GABRA3: variants seen among roughly 807,000 people sequenced by gnomAD.
GABRA3 encodes gamma-aminobutyric acid receptor subunit alpha-3.
GABRA3 carries 10 observed loss-of-function variants against 30.1 expected under a neutral mutation model. The observed-to-expected ratio is 0.33, with a 90% CI of 0.20 to 0.56. GABRA3 has a LOEUF of 0.56. GABRA3 is among the 20% of genes least tolerant of loss of function. The pLI is 0.89. For missense variants in GABRA3, 233 were observed against 392.0 expected (o/e 0.59, Z 3.42); for synonymous variants, 151 against 146.8 (o/e 1.03, Z -0.21).
At chrX:152,307,900 A>T (rs779796844) in intron 3 of GABRA3, among the ~76,000 whole-genome samples, 1 of 112,315 alleles carries the variant, frequency 8.9e-6, no homozygotes, top group South Asian at 3.7e-4. Flanking sequence ...GTTGGCAGGG[A>T]CAGGACTTCT....
chrX:152,411,169 G>A, intron 1 of GABRA3, among the ~76,000 whole-genome samples: 1 of 110,106 alleles, frequency 9.1e-6, no homozygotes, highest in Non-Finnish European at 1.9e-5. Context: ...TAAGAAATCA[G>A]GTGGGCATGG....
chrX:152,304,496 G>C (rs1939689849), intron 3 of GABRA3, among the ~76,000 whole-genome samples: 1 of 112,101 alleles, frequency 8.9e-6, no homozygotes, highest in South Asian at 3.6e-4. Flanking sequence ...GTAGTTTCCA[G>C]TTTCATTCTT....
chrX:152,281,026 G>T (rs1177433203), intron 4 of GABRA3, among the ~76,000 whole-genome samples: 1 of 110,966 alleles, frequency 9.0e-6, no homozygotes, highest in East Asian at 2.8e-4. Flanking sequence ...TAGAAGAGAA[G>T]GTGGAGCAGT....
At chrX:152,201,158 A>G (rs1285754896) in intron 7 of GABRA3, among the ~76,000 whole-genome samples, 4 of 112,450 alleles carry the variant, frequency 3.6e-5, no homozygotes, top group African/African-American at 1.3e-4. Flanking sequence ...ATGTCAATTA[A>G]CTTAATCAGT....
chrX:152,440,928 G>A (rs967003091), intron 1 of GABRA3, among the ~76,000 whole-genome samples: 3 of 109,627 alleles, frequency 2.7e-5, no homozygotes, highest in African/African-American at 1.0e-4. Context: ...CAGGTTGATG[G>A]GTGCAGCAAA....
chrX:152,214,769 T>G (rs1211474978), intron 6 of GABRA3, among the ~76,000 whole-genome samples: 1 of 109,657 alleles, frequency 9.1e-6, no homozygotes, highest in Non-Finnish European at 1.9e-5. Flanking sequence ...GTTTATAGTT[T>G]TCATTGTGGA....
At chrX:152,271,504 A>C (rs1256040638) in intron 4 of GABRA3, among the ~76,000 whole-genome samples, 1 of 112,474 alleles carries the variant, frequency 8.9e-6, no homozygotes, top group East Asian at 2.8e-4. Flanking sequence ...TAAGCAGCAA[A>C]GTGTTCAAGA....
chrX:152,449,446 T>C (rs1358540506), intron 1 of GABRA3, among the ~76,000 whole-genome samples: 3 of 112,149 alleles, frequency 2.7e-5, no homozygotes, highest in African/African-American at 9.7e-5. Context: ...CAACTCCAAA[T>C]GCTCAGGAAA....
chrX:152,174,431 T>C (rs1937045753), intron 9 of GABRA3, among the ~76,000 whole-genome samples: 2 of 111,997 alleles, frequency 1.8e-5, no homozygotes, highest in African/African-American at 6.5e-5. Context: ...TTCCTATTTC[T>C]CCACATCCTC....
chrX:152,248,220 G>A (rs1196519427), intron 5 of GABRA3, among the ~76,000 whole-genome samples: 2 of 110,220 alleles, frequency 1.8e-5, no homozygotes, highest in African/African-American at 3.3e-5. Context: ...AAAAAAACTG[G>A]GATTGGCAAA....
intron 3 of GABRA3, among the ~76,000 whole-genome samples, chrX:152,334,587 C>G (rs970774043): frequency 2.7e-5 from 3 of 111,156 alleles, no homozygotes; most frequent in Non-Finnish European, 5.7e-5. Flanking sequence ...AGAATGGGGT[C>G]TGGCTACGTT....
chrX:152,429,598 T>G (rs1340186675), intron 1 of GABRA3, among the ~76,000 whole-genome samples: 1 of 111,687 alleles, frequency 9.0e-6, no homozygotes, highest in African/African-American at 3.3e-5. Context: ...CATTCACCCC[T>G]CCTGAAACAA....
chrX:152,352,303 T>A (rs189821820), intron 2 of GABRA3, among the ~76,000 whole-genome samples: 25 of 112,034 alleles, frequency 2.2e-4, no homozygotes, highest in Non-Finnish European at 3.6e-4. Context: ...ATAACCTACA[T>A]TAGAAAACTT....
At chrX:152,354,291 T>C (rs1940518815) in intron 2 of GABRA3, among the ~76,000 whole-genome samples, 1 of 111,683 alleles carries the variant, frequency 9.0e-6, no homozygotes, top group East Asian at 2.8e-4. Context: ...TGTCTCCATA[T>C]TTTATCTGCA....
chrX:152,180,827 T>C (rs1213400145), intron 9 of GABRA3, among the ~76,000 whole-genome samples: 2 of 112,272 alleles, frequency 1.8e-5, no homozygotes, highest in South Asian at 3.7e-4. Context: ...CTAGATACCT[T>C]TGTGGAAAAT....
intron 3 of GABRA3, among the ~76,000 whole-genome samples, chrX:152,329,669 T>G (rs1238140149): frequency 8.9e-6 from 1 of 111,993 alleles, no homozygotes; most frequent in Non-Finnish European, 1.9e-5. Context: ...ACTGGATCCC[T>G]TTCTTACACC....
chrX:152,189,266 A>C (rs1937293059), intron 9 of GABRA3, among the ~76,000 whole-genome samples: 1 of 112,490 alleles, frequency 8.9e-6, no homozygotes, highest in South Asian at 3.7e-4. Context: ...AAGAATGAGT[A>C]GGTCTTTAAC....
At chrX:152,281,991 C>T (rs1230221036) in intron 4 of GABRA3, among the ~76,000 whole-genome samples, 1 of 111,863 alleles carries the variant, frequency 8.9e-6, no homozygotes, top group Non-Finnish European at 1.9e-5. Flanking sequence ...AACACTGAGT[C>T]AGACATTTAT....
chrX:152,409,571 A>T (rs1930018014), intron 1 of GABRA3, among the ~76,000 whole-genome samples: 1 of 111,801 alleles, frequency 8.9e-6, no homozygotes, highest in Non-Finnish European at 1.9e-5. Context: ...CAGTCAACAA[A>T]GAGGCCACTT....
Sources: gnomAD v4.1 joint callset for allele counts (sites outside exome capture counted in the v4.1 genomes callset) on GRCh38, gnomAD v4.1.1 for gene constraint, MANE v1.5 for transcripts, NCBI Gene and HGNC (gene_info 2026-07-23, HGNC 2026-07-21) for gene names.